Variants in DOCK10 observed in about 807,000 individuals in gnomAD.
DOCK10 encodes the protein dedicator of cytokinesis protein 10.
A neutral mutation model predicts 280.1 loss-of-function variants in DOCK10; 145 were observed. The observed-to-expected ratio is 0.52, with a 90% CI of 0.45 to 0.59. DOCK10 has a LOEUF of 0.59. Among genes scored for constraint, DOCK10 ranks in the 20% least tolerant of loss-of-function variants. The pLI is 0.00. For missense variants in DOCK10, 2,368 were observed against 2,651.7 expected (o/e 0.89, Z 2.35); for synonymous variants, 915 against 942.2 (o/e 0.97, Z 0.53).
At chr2:224,845,080 C>T (rs1696244981) in intron 21 of DOCK10, 123 bp downstream of exon 21, 15 of 1,057,984 alleles carry the variant, frequency 1.4e-5, no homozygotes, top group Non-Finnish European at 1.9e-5. Flanking sequence ...GGCATAGGTA[C>T]ACTTGATTCA....
At chr2:224,932,419 GTGTTTGT>G (rs1702440537) in intron 1 of DOCK10, among the ~76,000 whole-genome samples, 1 of 152,166 alleles carries the variant, frequency 6.6e-6, no homozygotes, top group Non-Finnish European at 1.5e-5. Context: ...TAGGGTTGAT[GTGTTTGT>G]TCCAATTGTA....
At position 224,772,168 on chromosome 2, in the gene DOCK10, A is replaced by C. The variant is rs543880324; in HGVS notation, c.6204+989T>G. 2.0e-5 allele frequency among the ~76,000 whole-genome samples: 3 copies of C among 151,994 alleles called. No individual in the cohort carries two copies. In the South Asian group the frequency reaches 6.2e-4, roughly 32 times the overall value. On this transcript the variant is annotated intron_variant, in intron 53 of 55. Coordinates refer to ENST00000258390, the MANE Select transcript of DOCK10 (RefSeq NM_014689.3). Reference sequence around the variant, plus strand: ...ACTCTTGACTTCAAGTGATCCATCCATCTCGGCCTCCCAAAGTGTTGGGAT... The same window carrying C: ...ACTCTTGACTTCAAGTGATCCATCCCTCTCGGCCTCCCAAAGTGTTGGGAT...
At position 224,855,037 on chromosome 2, in the gene DOCK10, T is replaced by C. The variant is rs759323499; in HGVS notation, c.1814A>G (p.Asp605Gly). 3.1e-6 allele frequency: 5 copies of C among 1,596,612 alleles called. No individual in the cohort carries two copies. The Admixed American group carries it at 8.6e-5, about 27-fold the overall frequency. ...AATGGTCTGCATTTTGCTTATTCTG[T>C]CGGCCCTGTAAGAGTGCATGAGCAA... Reference protein sequence around the residue: ...VKLVSDYRRADRISKMQTIPG... With the variant: ...VKLVSDYRRAGRISKMQTIPG... The change falls in exon 16 of 56, where the codon GAC (aspartate) becomes GGC (glycine). Residue 605 changes from aspartate to glycine, a missense_variant. Coordinates refer to ENST00000258390, the MANE Select transcript of DOCK10 (RefSeq NM_014689.3).
In DOCK10 at chr2:224,965,230, T is replaced by G. The variant is rs148851076; in HGVS notation, c.124-33562A>C. ...GATGGGAAATGCTTTAACTTCATAGTGTGTGCAAAGTTCAAGGAGGTTTGG... is the reference window on the plus strand; with the variant it reads ...GATGGGAAATGCTTTAACTTCATAGGGTGTGCAAAGTTCAAGGAGGTTTGG... On this transcript the variant is annotated intron_variant, in intron 1 of 55. Coordinates refer to ENST00000258390, the MANE Select transcript of DOCK10 (RefSeq NM_014689.3). 4.4e-3 allele frequency among the ~76,000 whole-genome samples: 673 copies of G among 152,298 alleles called. 7 individuals carry two copies. The highest frequency in any genetic ancestry group is 0.014 in the African/African-American group (572 of 41,556).
intron 1 of DOCK10, among the ~76,000 whole-genome samples, chr2:224,965,568 T>C (rs1305006104): frequency 6.6e-6 from 1 of 152,248 alleles, no homozygotes; most frequent in Admixed American, 6.5e-5. Context: ...TCCCTTTAGA[T>C]TGTATTCACT....
intron 3 of DOCK10, among the ~76,000 whole-genome samples, chr2:224,898,134 G>C (rs992492018): frequency 6.6e-6 from 1 of 152,204 alleles, no homozygotes; most frequent in Non-Finnish European, 1.5e-5. Context: ...AAAGGATGGA[G>C]GGGGGTGGCC....
Position 225,042,379 on chromosome 2 carries a change from G to A in DOCK10, c.-5C>T, listed in dbSNP as rs747784782. On this transcript the variant is annotated 5_prime_UTR_variant, in exon 1 of 56. Transcript: ENST00000258390. This position sits in a 1 kb window ranked among gnomAD's most constrained non-coding sequence, Gnocchi z 5.1. ...GCGGGTCCGCTCACCGGCCATCGCCGGTCACGCCAATCGCGCCGCGGGCCC... is the reference window on the plus strand; with the variant it reads ...GCGGGTCCGCTCACCGGCCATCGCCAGTCACGCCAATCGCGCCGCGGGCCC... 1.5e-5 allele frequency: 19 copies of A among 1,253,704 alleles called. No homozygotes were observed. Among genetic ancestry groups the A allele is most frequent in the Admixed American group, 8.4e-5 (2 of 23,726 alleles). 77.7% of individuals were successfully genotyped at this position (1,253,704 alleles called of 1,614,324 possible).
At chr2:225,010,272 G>C (rs1052102956) in intron 1 of DOCK10, among the ~76,000 whole-genome samples, 2 of 152,112 alleles carry the variant, frequency 1.3e-5, no homozygotes, top group Non-Finnish European at 2.9e-5. Context: ...TAGTTTATTA[G>C]TGTCTCATGG....
At chr2:224,817,281 A>T (rs1694190445) in intron 29 of DOCK10, among the ~76,000 whole-genome samples, 1 of 152,194 alleles carries the variant, frequency 6.6e-6, no homozygotes, top group Non-Finnish European at 1.5e-5. Context: ...AGAGAAATGG[A>T]GTCCAGGCAC....
intron 1 of DOCK10, among the ~76,000 whole-genome samples, chr2:225,036,755 C>T (rs906818505): frequency 6.6e-6 from 1 of 152,172 alleles, no homozygotes; most frequent in Non-Finnish European, 1.5e-5. Context: ...ATCTAATGGA[C>T]TTCTTAAATC....
chr2:224,903,277 A>C (rs575536063), intron 3 of DOCK10, among the ~76,000 whole-genome samples: 1 of 152,366 alleles, frequency 6.6e-6, no homozygotes, highest in East Asian at 1.9e-4. Context: ...TGGTTTTTAA[A>C]AAATACTACT....
intron 3 of DOCK10, among the ~76,000 whole-genome samples, chr2:224,901,319 C>T (rs1003202593): frequency 2.0e-5 from 3 of 152,168 alleles, no homozygotes; most frequent in East Asian, 1.9e-4. Flanking sequence ...TCCCAGCCCA[C>T]GGCACCTGTT....
At chr2:224,920,052 C>G (rs1701603679) in intron 2 of DOCK10, among the ~76,000 whole-genome samples, 1 of 152,022 alleles carries the variant, frequency 6.6e-6, no homozygotes, top group African/African-American at 2.4e-5. Flanking sequence ...CAATTTGGAT[C>G]TTATTATTTA....
intron 42 of DOCK10, among the ~76,000 whole-genome samples, 160 bp downstream of exon 42, chr2:224,797,672 C>T (rs1320594587): frequency 6.6e-6 from 1 of 152,166 alleles, no homozygotes; most frequent in Admixed American, 6.5e-5. Context: ...AGGCTGTGCA[C>T]TCATTTTGAG....
intron 31 of DOCK10, among the ~76,000 whole-genome samples, chr2:224,808,855 G>A (rs1693581202): frequency 6.6e-6 from 1 of 152,014 alleles, no homozygotes; most frequent in Admixed American, 6.6e-5. Context: ...GATGTGGGGT[G>A]AGGGATACAA....
Position 224,845,074 on chromosome 2 carries a change from T to C in DOCK10, c.2481+129A>G, listed in dbSNP as rs746428190. On this transcript the variant is annotated intron_variant, in intron 21 of 55. Transcript: ENST00000258390. ...CATAAGCTAAACAAGAGATGTGGCATAGGTACACTTGATTCATAGCTACAA... is the reference window on the plus strand; with the variant it reads ...CATAAGCTAAACAAGAGATGTGGCACAGGTACACTTGATTCATAGCTACAA... 5.0e-6 allele frequency: 5 copies of C among 1,009,670 alleles called. No individual in the cohort carries two copies. In the Admixed American group the frequency reaches 7.6e-5, roughly 15 times the overall value. The allele number at this position is 1,009,670 out of a possible 1,614,324, so 62.5% of individuals were successfully genotyped here.
chr2:224,798,912 G>C (rs527699454), intron 41 of DOCK10, among the ~76,000 whole-genome samples: 1 of 152,244 alleles, frequency 6.6e-6, no homozygotes, highest in South Asian at 2.1e-4. Context: ...GGAATTACAG[G>C]CATGAGCCAC....
intron 31 of DOCK10, among the ~76,000 whole-genome samples, chr2:224,812,348 CTT>C (rs1387025093): frequency 1.3e-5 from 2 of 152,116 alleles, no homozygotes. Flanking sequence ...TATCCTGAGA[CTT>C]TGTTGAAGTT....
intron 21 of DOCK10, 28 bp from the exon 22 acceptor site, chr2:224,844,867 C>T: frequency 4.8e-6 from 7 of 1,471,642 alleles, no homozygotes; most frequent in Non-Finnish European, 6.6e-6. Flanking sequence ...TTTACTGTCA[C>T]TGGGACAATT....
Sources: gnomAD v4.1 joint callset for allele counts (sites outside exome capture counted in the v4.1 genomes callset) on GRCh38, gnomAD v4.1.1 for gene constraint, Gnocchi (gnomAD v3.1) non-coding constraint, MANE v1.5 for transcripts, NCBI Gene and HGNC (gene_info 2026-07-23, HGNC 2026-07-21) for gene names.